Variants in COP1 observed in about 807,000 individuals in gnomAD.
COP1 encodes the protein E3 ubiquitin-protein ligase COP1.
In COP1, 24 loss-of-function variants were observed where a neutral mutation model predicts 101.3. The observed-to-expected ratio is 0.24, with a 90% CI of 0.17 to 0.33. The LOEUF (loss-of-function observed/expected upper bound fraction) is 0.33. Ranked by LOEUF, COP1 falls within the 10% of genes least tolerant of loss-of-function variation. COP1 has a pLI of 1.00. For synonymous variants in COP1, 347 were observed against 341.9 expected (o/e 1.01, Z -0.17); for missense variants, 663 against 906.2 (o/e 0.73, Z 3.45).
intron 3 of COP1, among the ~76,000 whole-genome samples, chr1:176,165,684 T>G (rs1000243598): frequency 2.7e-5 from 4 of 150,510 alleles, no homozygotes; most frequent in African/African-American, 5.0e-5. Context: ...AGACTCCATC[T>G]CAAAATAAAT....
At chr1:175,966,095 T>A (rs1450744015) in intron 18 of COP1, among the ~76,000 whole-genome samples, 1 of 152,204 alleles carries the variant, frequency 6.6e-6, no homozygotes, top group African/African-American at 2.4e-5. Flanking sequence ...TCTTTCAGTA[T>A]GTGGTCTTTC....
In COP1 at chr1:176,027,942, G is replaced by A. The variant is rs955753715; in HGVS notation, c.1613-254C>T. The stretch of plus-strand genomic sequence containing the variant: ...GTTTAATTGACTCACAGTTCCACAC[G>A]GCTGAGGAGGACTCACAACAATGGC... On this transcript the variant is annotated intron_variant, in intron 14 of 19. Transcript: ENST00000367669. Among the ~76,000 whole-genome samples, 45 of 151,258 alleles carry A rather than the reference G, an allele frequency of 3.0e-4. 1 individual carries two copies. The highest frequency in any genetic ancestry group is 2.4e-3 in the Admixed American group (36 of 15,172).
intron 3 of COP1, chr1:176,168,716 G>C (rs1377066642): frequency 2.8e-6 from 1 of 355,388 alleles, no homozygotes; most frequent in Non-Finnish European, 5.7e-6. Flanking sequence ...TCAAAACCAA[G>C]GGAGGCAGAG....
intron 10 of COP1, 130 bp from the exon 11 acceptor site, chr1:176,081,417 C>T (rs1409810953): frequency 3.2e-6 from 2 of 627,742 alleles, no homozygotes; most frequent in African/African-American, 1.9e-5. Context: ...TTACTAAAGA[C>T]TAGTTTACAC....
chr1:175,950,501 T>A (rs1649753703), intron 18 of COP1, among the ~76,000 whole-genome samples: 1 of 152,232 alleles, frequency 6.6e-6, no homozygotes, highest in Non-Finnish European at 1.5e-5. Flanking sequence ...TGTAAGTTTT[T>A]AATGGTTCTT....
In COP1 at chr1:176,052,375, T is replaced by C. The variant is rs146037418; in HGVS notation, c.1278-6051A>G. On this transcript the variant is annotated intron_variant, in intron 11 of 19. Transcript: ENST00000367669. ...ATCGTTAAGCAATGCAGGACTGTAT[T>C]TGAGAAATTCACAGAAGTATATATT... is the stretch of plus-strand genomic sequence containing the variant. Among the ~76,000 whole-genome samples the C allele has an allele frequency of 2.6e-3, 401 of 152,282 alleles. 3 individuals carry two copies. The highest frequency in any genetic ancestry group is 9.2e-3 in the African/African-American group (381 of 41,568).
At chr1:176,169,572 T>G (rs768965149) in intron 3 of COP1, among the ~76,000 whole-genome samples, 2 of 152,232 alleles carry the variant, frequency 1.3e-5, no homozygotes, top group Non-Finnish European at 2.9e-5. Flanking sequence ...AGTTTAAGTA[T>G]TATGTCTTTA....
chr1:176,102,310 C>T (rs576908139), intron 9 of COP1, among the ~76,000 whole-genome samples: 1 of 152,234 alleles, frequency 6.6e-6, no homozygotes, highest in East Asian at 1.9e-4. Flanking sequence ...CTTGTACGTG[C>T]CTGCAAGCCT....
At chr1:175,997,892 T>C (rs1438485640) in intron 15 of COP1, among the ~76,000 whole-genome samples, 2 of 151,970 alleles carry the variant, frequency 1.3e-5, no homozygotes, top group African/African-American at 4.8e-5. Flanking sequence ...AGCCATCCCA[T>C]TACTGGGTAT....
chr1:176,094,033 G>GA (rs10718811), intron 9 of COP1, among the ~76,000 whole-genome samples: 4 of 145,234 alleles, frequency 2.8e-5, no homozygotes, highest in Admixed American at 6.8e-5. Context: ...AAAAAAAAAG[G>GA]AAAAAAAAAA....
chr1:176,091,906 C>T (rs1681397092), intron 9 of COP1, among the ~76,000 whole-genome samples: 1 of 151,864 alleles, frequency 6.6e-6, no homozygotes, highest in Admixed American at 6.6e-5. Flanking sequence ...ATACTTAAAA[C>T]AGAGACAAAC....
rs1306220792 is a variant in COP1, at chr1:176,097,705, C to T, written c.1027-11815G>A. Among the ~76,000 whole-genome samples the T allele has an allele frequency of 2.0e-5, 3 of 151,828 alleles. No homozygotes were observed. In the South Asian group the frequency reaches 6.2e-4, roughly 32 times the overall value. ...CCAGCATGGTGAAACCCCATCTCTACTAAAAATACAAAAACTAGCTAGGTG... is the reference window on the plus strand; with the variant it reads ...CCAGCATGGTGAAACCCCATCTCTATTAAAAATACAAAAACTAGCTAGGTG... On this transcript the variant is annotated intron_variant, in intron 9 of 19. Transcript: ENST00000367669.
chr1:175,975,417 C>CT (rs1354544890), intron 18 of COP1, among the ~76,000 whole-genome samples: 6 of 151,890 alleles, frequency 4.0e-5, no homozygotes, highest in South Asian at 2.1e-4. Flanking sequence ...ATCCTTTTCT[C>CT]TTTTTTTTGA....
chr1:176,002,399 C>T (rs1319415457), intron 15 of COP1, among the ~76,000 whole-genome samples: 3 of 151,870 alleles, frequency 2.0e-5, no homozygotes, highest in Admixed American at 6.6e-5. Context: ...TACATGTGCA[C>T]ATAGTGCAGG....
intron 5 of COP1, chr1:176,160,212 C>T (rs917757235): frequency 2.8e-6 from 1 of 354,002 alleles, no homozygotes; most frequent in Admixed American, 3.6e-5. Context: ...TTCTCACTTT[C>T]ACTATGTAAT....
Position 176,043,705 on chromosome 1 carries a change from T to A in COP1, c.1530+5A>T. 1 of 1,496,554 alleles carries A rather than the reference T, an allele frequency of 6.7e-7. No individual in the cohort carries two copies. Among genetic ancestry groups the A allele is most frequent in the Non-Finnish European group, 9.3e-7 (1 of 1,074,398 alleles). 92.7% of individuals were successfully genotyped at this position (1,496,554 alleles called of 1,614,324 possible). On this transcript the variant is annotated splice_donor_5th_base_variant and intron_variant, in intron 13 of 19. Coordinates refer to ENST00000367669, the MANE Select transcript of COP1 (RefSeq NM_022457.7). Reference sequence around the variant, plus strand: ...ATATAACATGTAACTAGTACCCTTATTTACCTGATAGACCTTTGACCTCTG... The same window carrying A: ...ATATAACATGTAACTAGTACCCTTAATTACCTGATAGACCTTTGACCTCTG...
intron 15 of COP1, among the ~76,000 whole-genome samples, chr1:175,994,834 A>C (rs1368186642): frequency 3.9e-5 from 6 of 152,192 alleles, no homozygotes; most frequent in Non-Finnish European, 5.9e-5. Flanking sequence ...TAGACAGATC[A>C]ATGAGACAGA....
At chr1:176,042,926 G>A (rs911259298) in intron 14 of COP1, among the ~76,000 whole-genome samples, 5 of 151,892 alleles carry the variant, frequency 3.3e-5, no homozygotes, top group Non-Finnish European at 7.4e-5. Flanking sequence ...CTACTCGGGA[G>A]GGTGAGGCAG....
At chr1:176,150,480 AC>A (rs1311848115) in intron 5 of COP1, among the ~76,000 whole-genome samples, 9 of 152,262 alleles carry the variant, frequency 5.9e-5, no homozygotes, top group African/African-American at 2.2e-4. Context: ...CACAGAACAA[AC>A]TCACATGGGC....
Sources: gnomAD v4.1 joint callset for allele counts (sites outside exome capture counted in the v4.1 genomes callset) on GRCh38, gnomAD v4.1.1 for gene constraint, MANE v1.5 for transcripts, NCBI Gene and HGNC (gene_info 2026-07-23, HGNC 2026-07-21) for gene names.